The following CDH13 variants were observed in gnomAD, a reference collection of about 807,000 sequenced individuals.
CDH13 encodes the protein cadherin 13.
A neutral mutation model predicts 63.8 loss-of-function variants in CDH13; 24 were observed. The observed-to-expected ratio is 0.38, with a 90% CI of 0.27 to 0.53. The LOEUF is 0.53. Ranked by LOEUF, CDH13 falls within the 20% of genes least tolerant of loss-of-function variation. The pLI is 0.85. For missense variants in CDH13, 1,049 were observed against 903.1 expected (o/e 1.16, Z -2.07); for synonymous variants, 503 against 355.3 (o/e 1.42, Z -4.67).
intron 5 of CDH13, among the ~76,000 whole-genome samples, chr16:83,304,114 C>T (rs1203890073): frequency 6.6e-6 from 1 of 152,106 alleles, no homozygotes; most frequent in Non-Finnish European, 1.5e-5. Context: ...GGGGGTAGCG[C>T]AGAGTCCAAA....
In CDH13 at chr16:83,197,271, G is replaced by A. The variant is rs995734934; in HGVS notation, c.484-20074G>A. 1.9e-3 allele frequency among the ~76,000 whole-genome samples: 276 copies of A among 148,014 alleles called. 4 individuals carry two copies. The highest frequency in any genetic ancestry group is 6.5e-3 in the African/African-American group (263 of 40,528). The stretch of plus-strand genomic sequence containing the variant: ...TTTAATGTTTGTGGGTGTATCATAG[G>A]TATATATATATATATATATGCATGG... On this transcript the variant is annotated intron_variant, in intron 4 of 13. Coordinates refer to ENST00000567109, the MANE Select transcript of CDH13 (RefSeq NM_001257.5).
intron 11 of CDH13, among the ~76,000 whole-genome samples, chr16:83,757,546 C>T (rs1040344788): frequency 6.6e-6 from 1 of 152,012 alleles, no homozygotes; most frequent in Non-Finnish European, 1.5e-5. Context: ...CCACTGCATC[C>T]CAGCCTGGGT....
At chr16:83,633,620 A>G (rs80064882) in intron 8 of CDH13, among the ~76,000 whole-genome samples, 33,113 of 152,104 alleles carry the variant, frequency 0.22, 4,017 homozygotes, top group Middle Eastern at 0.3. Context: ...ACTCGGAGAG[A>G]AAATGGTATC....
intron 3 of CDH13, among the ~76,000 whole-genome samples, chr16:83,108,084 G>C (rs563211011): frequency 6.6e-6 from 1 of 152,146 alleles, no homozygotes; most frequent in African/African-American, 2.4e-5. Flanking sequence ...GCCTCCCAAA[G>C]TGCTGGGATT....
chr16:82,639,262 C>T lies in CDH13; in HGVS notation c.45+12125C>T, dbSNP rs1046633513. The T allele has an allele frequency of 1.2e-5, 9 of 728,320 alleles. No homozygotes were observed. The East Asian group carries it at 2.0e-4, about 16-fold the overall frequency. 45.1% of individuals were successfully genotyped at this position (728,320 alleles called of 1,614,324 possible). ...CTAGTCTCTCAAAGTGGGTCTGGGC[C>T]CTGGACTTCCTGTCTGGGCTACTGA... is the stretch of plus-strand genomic sequence containing the variant. On this transcript the variant is annotated intron_variant, in intron 1 of 13. Coordinates refer to ENST00000567109, the MANE Select transcript of CDH13 (RefSeq NM_001257.5).
chr16:83,760,797 G>A (rs1263089705), intron 11 of CDH13, among the ~76,000 whole-genome samples: 1 of 152,216 alleles, frequency 6.6e-6, no homozygotes, highest in East Asian at 1.9e-4. Flanking sequence ...ATGCATGGCT[G>A]CAGAGAGAGA....
intron 2 of CDH13, among the ~76,000 whole-genome samples, chr16:82,978,346 G>A (rs1046310503): frequency 6.6e-6 from 1 of 152,230 alleles, no homozygotes; most frequent in Non-Finnish European, 1.5e-5. Flanking sequence ...CATCAGTAAT[G>A]AGGAGCAAAA....
intron 1 of CDH13, among the ~76,000 whole-genome samples, chr16:82,639,840 C>G (rs1185587496): frequency 2.0e-5 from 3 of 152,246 alleles, no homozygotes; most frequent in African/African-American, 7.2e-5. Flanking sequence ...CCCTCCAATC[C>G]TGTTCTGGTG....
At chr16:83,477,910 G>C (rs548314824) in intron 6 of CDH13, among the ~76,000 whole-genome samples, 1 of 152,044 alleles carries the variant, frequency 6.6e-6, no homozygotes, top group Non-Finnish European at 1.5e-5. Flanking sequence ...GGCTGGACGC[G>C]GTGGCTCATA....
chr16:82,946,837 A>C (rs1270804900), intron 2 of CDH13, among the ~76,000 whole-genome samples: 1 of 152,240 alleles, frequency 6.6e-6, no homozygotes, highest in Non-Finnish European at 1.5e-5. Flanking sequence ...CTGAACGTCA[A>C]AATGATTTAT....
At chr16:82,955,248 G>T (rs1488252011) in intron 2 of CDH13, among the ~76,000 whole-genome samples, 1 of 152,152 alleles carries the variant, frequency 6.6e-6, no homozygotes, top group African/African-American at 2.4e-5. Flanking sequence ...GTTTAATTAA[G>T]CAAGATGCCT....
In CDH13 at chr16:83,178,852, T is replaced by C. The variant is rs2038233408; in HGVS notation, c.484-38493T>C. 2.0e-5 allele frequency among the ~76,000 whole-genome samples: 3 copies of C among 152,182 alleles called. No individual in the cohort carries two copies. In the South Asian group the frequency reaches 6.2e-4, roughly 32 times the overall value. On this transcript the variant is annotated intron_variant, in intron 4 of 13. Transcript: ENST00000567109. ...TTAAGATGCACAAATAGCCTGGCCT[T>C]GAATCCTCCCAGTGTTTGGTTCACT...
intron 5 of CDH13, among the ~76,000 whole-genome samples, chr16:83,310,005 G>A (rs370373594): frequency 1.3e-3 from 197 of 152,174 alleles, no homozygotes; most frequent in African/African-American, 4.3e-3. Context: ...CAAAAGTTCC[G>A]CACAATATCA....
At chr16:83,651,814 C>CA (rs1185675863) in intron 8 of CDH13, among the ~76,000 whole-genome samples, 1 of 152,088 alleles carries the variant, frequency 6.6e-6, no homozygotes, top group Non-Finnish European at 1.5e-5. Context: ...CAGCTGGTCT[C>CA]AGACTCCTGA....
chr16:82,954,751 G>GAAAAAAACAAAA (rs1905807775), intron 2 of CDH13: 1 of 144,052 alleles, frequency 6.9e-6, no homozygotes, highest in Non-Finnish European at 1.5e-5. Flanking sequence ...AAATCTCCTG[G>GAAAAAAACAAAA]AAAAAAAAAA....
intron 4 of CDH13, among the ~76,000 whole-genome samples, chr16:83,153,388 C>A (rs1278269110): frequency 6.6e-6 from 1 of 152,020 alleles, no homozygotes; most frequent in African/African-American, 2.4e-5. Context: ...ACCTTAGGAG[C>A]AGTTTAGGGA....
intron 1 of CDH13, among the ~76,000 whole-genome samples, chr16:82,692,560 C>G (rs1555534959): frequency 1.3e-5 from 2 of 152,172 alleles, no homozygotes; most frequent in South Asian, 2.1e-4. Flanking sequence ...TTACCTCTCT[C>G]TTGTTCCTTC....
At chr16:83,737,882 C>T (rs557676331) in intron 10 of CDH13, among the ~76,000 whole-genome samples, 1 of 152,334 alleles carries the variant, frequency 6.6e-6, no homozygotes, top group South Asian at 2.1e-4. Context: ...AGCTGCATGA[C>T]TCAGGCAAGC....
intron 1 of CDH13, among the ~76,000 whole-genome samples, chr16:82,795,795 G>C (rs1043934698): frequency 6.6e-6 from 1 of 152,066 alleles, no homozygotes; most frequent in African/African-American, 2.4e-5. Flanking sequence ...TTCTTTGCCA[G>C]TTTGTCTTGG....
Sources: allele counts gnomAD v4.1 joint callset (sites outside exome capture counted in the v4.1 genomes callset), GRCh38; gene constraint gnomAD v4.1.1; transcripts MANE v1.5; gene names NCBI Gene and HGNC (gene_info 2026-07-23, HGNC 2026-07-21).